Variants in LUZP2 observed in about 807,000 individuals in gnomAD.
LUZP2 encodes leucine zipper protein 2.
LUZP2 carries 52 observed loss-of-function variants against 51.6 expected under a neutral mutation model. The observed-to-expected ratio is 1.01, with a 90% CI of 0.81 to 1.27. LUZP2 has a LOEUF of 1.27. Ranked by LOEUF, LUZP2 falls within the 50% of genes most tolerant of loss-of-function variation. LUZP2 has a pLI of 0.00. For missense variants in LUZP2, 436 were observed against 395.4 expected (o/e 1.10, Z -0.87); for synonymous variants, 154 against 137.3 (o/e 1.12, Z -0.85).
intron 7 of LUZP2, among the ~76,000 whole-genome samples, chr11:24,973,064 T>TTG (rs1334633483): frequency 2.0e-5 from 3 of 150,276 alleles, no homozygotes; most frequent in Admixed American, 1.3e-4. Flanking sequence ...CTGGGTTTTT[T>TTG]TTTTTTTTTT....
At chr11:24,750,461 T>G (rs1283605298) in intron 4 of LUZP2, among the ~76,000 whole-genome samples, 3 of 152,242 alleles carry the variant, frequency 2.0e-5, no homozygotes, top group African/African-American at 7.2e-5. Context: ...GACCATAGTA[T>G]ATCTTCATAT....
chr11:24,715,915 T>C (rs1858025651), intron 1 of LUZP2, among the ~76,000 whole-genome samples: 1 of 152,186 alleles, frequency 6.6e-6, no homozygotes, highest in African/African-American at 2.4e-5. Flanking sequence ...TCATCAATGA[T>C]ATCTAGGGTT....
intron 7 of LUZP2, among the ~76,000 whole-genome samples, chr11:24,915,911 C>A (rs1355734915): frequency 1.3e-5 from 2 of 151,980 alleles, no homozygotes; most frequent in African/African-American, 4.8e-5. Flanking sequence ...ACTGGTGAAC[C>A]CTGAGATGAG....
intron 1 of LUZP2, among the ~76,000 whole-genome samples, chr11:24,694,549 G>A (rs890453067): frequency 1.3e-5 from 2 of 152,060 alleles, no homozygotes; most frequent in African/African-American, 4.8e-5. Context: ...AATACCATTT[G>A]ACCCAGCAAT....
At chr11:25,031,576 A>G (rs958193518) in intron 9 of LUZP2, among the ~76,000 whole-genome samples, 1 of 152,042 alleles carries the variant, frequency 6.6e-6, no homozygotes. Context: ...TTTTCTGTTT[A>G]TACTTTTCAT....
At chr11:24,716,220 A>G (rs36020269) in intron 1 of LUZP2, among the ~76,000 whole-genome samples, 15,852 of 152,198 alleles carry the variant, frequency 0.1, 1,134 homozygotes, top group East Asian at 0.3. Context: ...TTCTACAGTT[A>G]TTATTGTTGT....
At chr11:24,811,506 CTTTTA>C (rs1850021915) in intron 5 of LUZP2, among the ~76,000 whole-genome samples, 1 of 150,392 alleles carries the variant, frequency 6.6e-6, no homozygotes, top group African/African-American at 2.4e-5. Flanking sequence ...TTTTTTTTTA[CTTTTA>C]TTTTAGTTTC....
At chr11:24,749,211 T>G (rs1160321225) in intron 4 of LUZP2, among the ~76,000 whole-genome samples, 1 of 152,052 alleles carries the variant, frequency 6.6e-6, no homozygotes, top group African/African-American at 2.4e-5. Flanking sequence ...AAAGTGCAAA[T>G]CAGAAGAGAC....
At chr11:24,917,997 C>T (rs1206741187) in intron 7 of LUZP2, among the ~76,000 whole-genome samples, 1 of 151,804 alleles carries the variant, frequency 6.6e-6, no homozygotes, top group Non-Finnish European at 1.5e-5. Context: ...TGTTTGTGTC[C>T]TCTTTTATTT....
chr11:24,617,771 A>G (rs1854337893), intron 1 of LUZP2, among the ~76,000 whole-genome samples: 1 of 152,092 alleles, frequency 6.6e-6, no homozygotes, highest in African/African-American at 2.4e-5. Context: ...CAGTGCAGTG[A>G]GCAGAGATTG....
rs572862203 is a variant in LUZP2, at chr11:24,606,253, G to A, written c.62+108948G>A. ...GACTTTATGATACTGCAAAAGCAAT[G>A]CACATTCAGTAGAAACTATACTTCA... On this transcript the variant is annotated intron_variant, in intron 1 of 11. Transcript: ENST00000336930. Among the ~76,000 whole-genome samples the A allele has an allele frequency of 4.1e-4, 63 of 151,874 alleles. No homozygotes were observed. In the South Asian group the frequency reaches 0.012, roughly 30 times the overall value.
At chr11:24,700,056 C>CTTTTTTT (rs762849302) in intron 1 of LUZP2, among the ~76,000 whole-genome samples, 85 of 95,978 alleles carry the variant, frequency 8.9e-4, no homozygotes, top group Admixed American at 1.1e-3. Context: ...TTTTCCTCAA[C>CTTTTTTT]TTTTTTTTTT....
At chr11:24,687,538 G>A (rs1198912679) in intron 1 of LUZP2, among the ~76,000 whole-genome samples, 2 of 152,194 alleles carry the variant, frequency 1.3e-5, no homozygotes, top group Non-Finnish European at 2.9e-5. Context: ...AGGTCACAGA[G>A]CCGCTAAGAA....
chr11:24,726,738 T>C (rs956255456), intron 1 of LUZP2, among the ~76,000 whole-genome samples: 1 of 152,038 alleles, frequency 6.6e-6, no homozygotes, highest in African/African-American at 2.4e-5. Context: ...TATATAGACA[T>C]GGAAAGTGCT....
chr11:24,894,829 G>A (rs890769986), intron 5 of LUZP2, among the ~76,000 whole-genome samples: 5 of 152,118 alleles, frequency 3.3e-5, no homozygotes, highest in African/African-American at 1.2e-4. Context: ...GGGGGCAATT[G>A]AGAACGGGAT....
chr11:24,566,859 A>G (rs1852249554), intron 1 of LUZP2, among the ~76,000 whole-genome samples: 1 of 125,008 alleles, frequency 8.0e-6, no homozygotes, highest in African/African-American at 2.7e-5. Flanking sequence ...TACATATATA[A>G]TGTATATACA....
At chr11:24,901,719 T>A (rs1382500997) in intron 5 of LUZP2, among the ~76,000 whole-genome samples, 2 of 152,158 alleles carry the variant, frequency 1.3e-5, no homozygotes, top group Non-Finnish European at 2.9e-5. Context: ...AAGGATTCTA[T>A]TAGGCAGGTT....
chr11:24,962,305 T>A (rs551410927), intron 7 of LUZP2, among the ~76,000 whole-genome samples: 5 of 152,326 alleles, frequency 3.3e-5, no homozygotes, highest in African/African-American at 1.2e-4. Flanking sequence ...AATCTGAATG[T>A]TGGCCTGCCT....
chr11:24,522,503 T>C (rs1015962290), intron 1 of LUZP2, among the ~76,000 whole-genome samples: 1 of 152,164 alleles, frequency 6.6e-6, no homozygotes, highest in Non-Finnish European at 1.5e-5. Context: ...TCAGTTAGTC[T>C]GAAAGTCCTT....
Sources: gnomAD v4.1 joint callset for allele counts (sites outside exome capture counted in the v4.1 genomes callset) on GRCh38, gnomAD v4.1.1 for gene constraint, MANE v1.5 for transcripts, NCBI Gene and HGNC (gene_info 2026-07-23, HGNC 2026-07-21) for gene names.